The following DTNB variants were observed in gnomAD, a reference collection of about 807,000 sequenced individuals.
DTNB encodes the protein dystrobrevin beta.
DTNB carries 63 observed loss-of-function variants against 90.7 expected under a neutral mutation model. That is an observed-to-expected ratio of 0.69 (90% confidence interval 0.57 to 0.86). DTNB has a LOEUF of 0.86. Ranked by LOEUF, DTNB falls within the 40% of genes least tolerant of loss-of-function variation. The pLI is 0.00. For missense variants in DTNB, 744 were observed against 807.1 expected, an observed-to-expected ratio of 0.92 and a Z score of 0.95; for synonymous variants, 277 against 286.7, an observed-to-expected ratio of 0.97 and a Z score of 0.34.
intron 19 of DTNB, chr2:25,383,559 A>G (rs1053061064): frequency 7.1e-6 from 4 of 561,010 alleles, no homozygotes; most frequent in African/African-American, 1.9e-5. Context: ...TTCTCCAGTC[A>G]AAGGGTCATC....
intron 16 of DTNB, among the ~76,000 whole-genome samples, chr2:25,392,322 A>G (rs1269367789): frequency 2.6e-5 from 4 of 152,088 alleles, no homozygotes; most frequent in Non-Finnish European, 5.9e-5. Flanking sequence ...AGGCAGGAGA[A>G]TCTCTTGAAC....
chr2:25,576,990 C>A lies in DTNB; in HGVS notation c.724G>T (p.Glu242Ter), dbSNP rs1469050084. 6.2e-7 allele frequency: 1 copy of A among 1,607,094 alleles called. No individual in the cohort carries two copies. The highest frequency in any genetic ancestry group is 2.2e-5 in the East Asian group (1 of 44,696). The change falls in exon 8 of 21, where the codon GAG becomes TAG. Residue 242 changes from glutamate (E) to a stop codon, truncating the protein, a stop_gained. Transcript: ENST00000406818. LOFTEE classifies it high-confidence loss of function. Reference sequence around the variant, plus strand: ...CTCTCACATCGGCAGTAGGAGCACTCCACGGGATGGAAGACTTGTGGACAG... The same window carrying A: ...CTCTCACATCGGCAGTAGGAGCACTACACGGGATGGAAGACTTGTGGACAG... ...AHVENVFHPVECSYCRCESMM... is the reference protein window; with the variant it reads ...AHVENVFHPV
chr2:25,445,462 T>C (rs867279288), intron 12 of DTNB, among the ~76,000 whole-genome samples: 7 of 152,342 alleles, frequency 4.6e-5, no homozygotes, highest in Middle Eastern at 3.4e-3. Flanking sequence ...AAGTTACTTT[T>C]TGGGGGAGAA....
chr2:25,616,955 A>AAC lies in DTNB; in HGVS notation c.363-9635_363-9634insGT, dbSNP rs2070875256. On this transcript the variant is annotated intron_variant, in intron 4 of 20. Coordinates refer to ENST00000406818, the MANE Select transcript of DTNB (RefSeq NM_021907.5). ...TCAAAAAAAAAAAAAAAAAAAAAGG[A>AAC]AAAAAAAGACTCATTAACCCCTCAA... 4.1e-5 allele frequency among the ~76,000 whole-genome samples: 2 copies of AAC among 49,200 alleles called. 1 individual carries two copies. Among genetic ancestry groups the AAC allele is most frequent in the Non-Finnish European group, 9.3e-5 (2 of 21,470 alleles). The allele number at this position is 49,200 out of a possible 152,430, so 32.3% of individuals were successfully genotyped here.
intron 8 of DTNB, among the ~76,000 whole-genome samples, chr2:25,559,189 C>G (rs947281163): frequency 2.0e-5 from 3 of 152,278 alleles, no homozygotes; most frequent in East Asian, 3.9e-4. Flanking sequence ...CATCCCCTCA[C>G]GCGACCCCAA....
intron 6 of DTNB, among the ~76,000 whole-genome samples, chr2:25,581,329 T>C (rs894981917): frequency 6.6e-6 from 1 of 152,112 alleles, no homozygotes; most frequent in Non-Finnish European, 1.5e-5. Context: ...ATAATAATAA[T>C]AATTTAAAGG....
chr2:25,519,355 A>T (rs2075726716), intron 9 of DTNB, among the ~76,000 whole-genome samples: 1 of 145,794 alleles, frequency 6.9e-6, no homozygotes. Context: ...ACAGATCAAG[A>T]CCCTGTTTCT....
At chr2:25,538,643 G>A (rs953297427) in intron 8 of DTNB, among the ~76,000 whole-genome samples, 2 of 151,918 alleles carry the variant, frequency 1.3e-5, no homozygotes, top group South Asian at 4.2e-4. Flanking sequence ...GTAGAGACGG[G>A]GTTTCACCAT....
chr2:25,640,532 T>C (rs1464589576), intron 2 of DTNB, among the ~76,000 whole-genome samples: 1 of 152,208 alleles, frequency 6.6e-6, no homozygotes, highest in Non-Finnish European at 1.5e-5. Context: ...AGGGGATACC[T>C]GGTTCTCACA....
At chr2:25,664,269 T>A (rs545052597) in intron 1 of DTNB, among the ~76,000 whole-genome samples, 2 of 152,364 alleles carry the variant, frequency 1.3e-5, no homozygotes, top group East Asian at 3.9e-4. Flanking sequence ...TCCACTCTGT[T>A]TCTTTCTGGC....
chr2:25,519,386 T>A (rs2075739142), intron 9 of DTNB, among the ~76,000 whole-genome samples: 1 of 151,244 alleles, frequency 6.6e-6, no homozygotes, highest in Non-Finnish European at 1.5e-5. Context: ...TTTTTTTTTT[T>A]TACTTTTGTT....
At chr2:25,472,074 T>C (rs752371095) in intron 10 of DTNB, among the ~76,000 whole-genome samples, 14 of 152,256 alleles carry the variant, frequency 9.2e-5, no homozygotes, top group African/African-American at 3.4e-4. Flanking sequence ...GAAGTACTAA[T>C]TAAGGGGCAA....
At chr2:25,645,357 CAAAAAAAAAA>C (rs70947900) in intron 2 of DTNB, among the ~76,000 whole-genome samples, 1,068 of 99,094 alleles carry the variant, frequency 0.011, 12 homozygotes, top group African/African-American at 0.045. Flanking sequence ...GACTCCATCA[CAAAAAAAAAA>C]AAAGAAAAAA....
chr2:25,430,520 G>A (rs1321864337), intron 14 of DTNB, among the ~76,000 whole-genome samples: 2 of 152,094 alleles, frequency 1.3e-5, no homozygotes, highest in African/African-American at 4.8e-5. Context: ...AGGCTAATAT[G>A]GTGGGGGTAG....
intron 1 of DTNB, among the ~76,000 whole-genome samples, chr2:25,666,899 T>C (rs1336206562): frequency 6.6e-6 from 1 of 152,132 alleles, no homozygotes. Context: ...TAAAAAATAC[T>C]GCTGCCAATC....
At chr2:25,526,394 T>A (rs2077161194) in intron 9 of DTNB, among the ~76,000 whole-genome samples, 1 of 61,684 alleles carries the variant, frequency 1.6e-5, no homozygotes, top group African/African-American at 8.4e-5. Context: ...TATATATATA[T>A]ATTTTTTTTT....
intron 17 of DTNB, 123 bp downstream of exon 17, chr2:25,388,079 T>C: frequency 6.9e-7 from 1 of 1,456,250 alleles, no homozygotes; most frequent in Non-Finnish European, 9.2e-7. Flanking sequence ...TTACACTGTC[T>C]GTCAAAATCT....
chr2:25,383,892 G>C lies in DTNB; in HGVS notation c.1826-3C>G. On this transcript the variant is annotated splice_polypyrimidine_tract_variant and splice_region_variant and intron_variant, in intron 18 of 20. Coordinates refer to ENST00000406818, the MANE Select transcript of DTNB (RefSeq NM_021907.5). ...TTCTTCCTCTGCACCTTCCTCTGCT[G>C]TGAAAACAAGTCCAAGGAGGCCAGT... 6.2e-7 allele frequency: 1 copy of C among 1,614,034 alleles called. No homozygotes were observed. Among genetic ancestry groups the C allele is most frequent in the East Asian group, 2.2e-5 (1 of 44,888 alleles).
At chr2:25,469,550 A>G (rs998760014) in intron 10 of DTNB, among the ~76,000 whole-genome samples, 5 of 152,092 alleles carry the variant, frequency 3.3e-5, no homozygotes, top group African/African-American at 1.2e-4. Context: ...GGTTCAAGTG[A>G]TTCTTGTGCC....
Sources: allele counts gnomAD v4.1 joint callset (sites outside exome capture counted in the v4.1 genomes callset), GRCh38; gene constraint gnomAD v4.1.1; transcripts MANE v1.5; gene names NCBI Gene and HGNC (gene_info 2026-07-23, HGNC 2026-07-21).